Variants in FGGY observed in about 807,000 individuals in gnomAD.
FGGY encodes the protein FGGY carbohydrate kinase domain containing.
Under a neutral mutation model 71.3 loss-of-function variants are expected in FGGY, and 72 were observed. The observed-to-expected ratio is 1.01, with a 90% CI of 0.84 to 1.23. The LOEUF (loss-of-function observed/expected upper bound fraction) is 1.23. FGGY is among the 50% of genes most tolerant of loss of function. The probability of loss-of-function intolerance (pLI) is 0.00; values close to 1 mark genes in which losing one functional copy is unlikely to be tolerated. For synonymous variants in FGGY, 251 were observed against 250.3 expected (o/e 1.00, Z -0.02); for missense variants, 668 against 682.3 (o/e 0.98, Z 0.23).
At chr1:59,413,650 T>TA (rs559313225) in intron 5 of FGGY, among the ~76,000 whole-genome samples, 17 of 151,412 alleles carry the variant, frequency 1.1e-4, no homozygotes, top group African/African-American at 2.9e-4. Flanking sequence ...GTACCAAACA[T>TA]AAAAAAAAAC....
At chr1:59,358,879 G>C (rs940361026) in intron 4 of FGGY, among the ~76,000 whole-genome samples, 2 of 152,168 alleles carry the variant, frequency 1.3e-5, no homozygotes, top group Non-Finnish European at 2.9e-5. Flanking sequence ...AATCCTGTGA[G>C]GTAGATGTTA....
chr1:59,653,462 G>A (rs920650895), intron 11 of FGGY, among the ~76,000 whole-genome samples: 8 of 152,170 alleles, frequency 5.3e-5, no homozygotes, highest in African/African-American at 9.7e-5. Flanking sequence ...GTGGTTCGCC[G>A]TTTTTTAAGC....
intron 7 of FGGY, among the ~76,000 whole-genome samples, chr1:59,512,668 G>GA (rs900295423): frequency 6.6e-6 from 1 of 151,912 alleles, no homozygotes; most frequent in East Asian, 1.9e-4. Flanking sequence ...CATGGCAATA[G>GA]AAAAAAATGT....
intron 14 of FGGY, among the ~76,000 whole-genome samples, chr1:59,711,757 A>G (rs147221725): frequency 9.2e-5 from 14 of 152,316 alleles, no homozygotes; most frequent in Admixed American, 2.0e-4. Context: ...CCCATTCACT[A>G]TCATGAGAAG....
intron 5 of FGGY, among the ~76,000 whole-genome samples, chr1:59,433,748 C>A (rs980277764): frequency 1.2e-4 from 19 of 152,204 alleles, no homozygotes; most frequent in Non-Finnish European, 2.6e-4. Context: ...TCATTCTTCG[C>A]CAGCTCCGTT....
chr1:59,603,112 A>G (rs925514842), intron 8 of FGGY, among the ~76,000 whole-genome samples: 4 of 152,226 alleles, frequency 2.6e-5, no homozygotes, highest in African/African-American at 9.6e-5. Context: ...AATGAACACC[A>G]GTATTCCCAC....
Position 59,758,049 on chromosome 1 carries a change from C to T in FGGY, c.1574+57C>T, listed in dbSNP as rs1165288402. Reference sequence around the variant, plus strand: ...AAGGAAGTGAGCACATACACACACACATGCAACTATAGATCTGGAATAAAC... The same window carrying T: ...AAGGAAGTGAGCACATACACACACATATGCAACTATAGATCTGGAATAAAC... On this transcript the variant is annotated intron_variant, in intron 15 of 15. Coordinates refer to ENST00000303721, the MANE Select transcript of FGGY (RefSeq NM_018291.5). 8.5e-6 allele frequency: 10 copies of T among 1,181,790 alleles called. No individual in the cohort carries two copies. The Admixed American group carries it at 1.9e-4, about 23-fold the overall frequency. 73.2% of individuals were successfully genotyped at this position (1,181,790 alleles called of 1,614,324 possible). A position where few individuals can be genotyped will look rare whatever the true frequency, so the allele number is the denominator to read the frequency against.
chr1:59,503,959 G>C (rs2094309763), intron 6 of FGGY, among the ~76,000 whole-genome samples: 1 of 152,006 alleles, frequency 6.6e-6, no homozygotes, highest in East Asian at 1.9e-4. Context: ...AGAGGGTCCT[G>C]CCCCATAGCC....
intron 6 of FGGY, among the ~76,000 whole-genome samples, chr1:59,510,381 C>T (rs946889485): frequency 1.3e-5 from 2 of 152,160 alleles, no homozygotes; most frequent in African/African-American, 4.8e-5. Context: ...CATGAAAGTG[C>T]TCAGCAAACT....
At chr1:59,636,205 C>T (rs371334444) in intron 10 of FGGY, among the ~76,000 whole-genome samples, 4 of 152,204 alleles carry the variant, frequency 2.6e-5, no homozygotes, top group East Asian at 1.9e-4. Context: ...ACACATCACA[C>T]GCACTCACAC....
intron 10 of FGGY, chr1:59,626,322 C>A: frequency 2.9e-6 from 1 of 344,464 alleles, no homozygotes. Context: ...ATTCTGGAGT[C>A]AAAACTTCTT....
At chr1:59,660,490 T>C (rs772588205) in intron 12 of FGGY, 197 bp downstream of exon 12, 5 of 412,948 alleles carry the variant, frequency 1.2e-5, no homozygotes, top group African/African-American at 2.0e-5. Context: ...TAACCTCACA[T>C]AACAAAAAGC....
chr1:59,329,429 G>A (rs926317355), intron 2 of FGGY, among the ~76,000 whole-genome samples: 4 of 152,118 alleles, frequency 2.6e-5, no homozygotes, highest in African/African-American at 7.2e-5. Context: ...TGCCACAGAC[G>A]TTCAATTTGT....
chr1:59,553,012 G>T (rs533362027), intron 7 of FGGY, among the ~76,000 whole-genome samples: 3 of 152,188 alleles, frequency 2.0e-5, no homozygotes, highest in African/African-American at 4.8e-5. Context: ...AGGGAGAATC[G>T]TCTGTCCTAG....
chr1:59,659,240 CTGAA>C (rs968509339), intron 11 of FGGY, among the ~76,000 whole-genome samples: 3 of 152,084 alleles, frequency 2.0e-5, no homozygotes, highest in African/African-American at 7.2e-5. Flanking sequence ...GTTTGGGTAA[CTGAA>C]TGGTGCCTGT....
At chr1:59,548,576 A>G (rs576166656) in intron 7 of FGGY, among the ~76,000 whole-genome samples, 4 of 152,358 alleles carry the variant, frequency 2.6e-5, no homozygotes, top group Admixed American at 2.6e-4. Context: ...AACAGCAATA[A>G]CAATAATAAA....
At chr1:59,483,565 C>T (rs1015276175) in intron 6 of FGGY, among the ~76,000 whole-genome samples, 5 of 152,144 alleles carry the variant, frequency 3.3e-5, no homozygotes, top group Non-Finnish European at 7.4e-5. Flanking sequence ...TGTCTATTCT[C>T]TGTATCTAGT....
At chr1:59,670,091 C>T (rs748200357) in intron 13 of FGGY, among the ~76,000 whole-genome samples, 10 of 152,184 alleles carry the variant, frequency 6.6e-5, no homozygotes, top group Non-Finnish European at 2.9e-5. Flanking sequence ...TTTATTTAGC[C>T]TGGAATTCCT....
intron 5 of FGGY, among the ~76,000 whole-genome samples, chr1:59,419,414 A>G (rs1437771907): frequency 2.0e-5 from 3 of 152,136 alleles, no homozygotes; most frequent in Non-Finnish European, 4.4e-5. Context: ...TGACTAACCT[A>G]CTCACTATGA....
Sources: allele counts gnomAD v4.1 joint callset (sites outside exome capture counted in the v4.1 genomes callset), GRCh38; gene constraint gnomAD v4.1.1; transcripts MANE v1.5; gene names NCBI Gene and HGNC (gene_info 2026-07-23, HGNC 2026-07-21).